BCL2: variants seen among roughly 807,000 people sequenced by gnomAD.
BCL2 encodes the protein BCL2 apoptosis regulator, also known as apoptosis regulator Bcl-2.
BCL2 carries 1 observed loss-of-function variant against 14.2 expected under a neutral mutation model. The observed-to-expected ratio is 0.07, with a 90% CI of 0.02 to 0.33. The LOEUF is 0.33. Among genes scored for constraint, BCL2 ranks in the 10% least tolerant of loss-of-function variants. The pLI, the probability that BCL2 is intolerant of heterozygous loss-of-function variation, is 0.99. For synonymous variants in BCL2, 151 were observed against 137.2 expected, an observed-to-expected ratio of 1.10 and a Z score of -0.70; for missense variants, 247 against 305.9, an observed-to-expected ratio of 0.81 and a Z score of 1.44.
intron 2 of BCL2, among the ~76,000 whole-genome samples, chr18:63,175,069 C>T (rs1239891648): frequency 3.9e-5 from 6 of 152,228 alleles, no homozygotes; most frequent in South Asian, 2.1e-4. Context: ...CAAATATTAT[C>T]GTCATTCGCA....
At chr18:63,143,581 C>T (rs750725812) in intron 2 of BCL2, among the ~76,000 whole-genome samples, 2 of 152,232 alleles carry the variant, frequency 1.3e-5, no homozygotes, top group African/African-American at 2.4e-5. Flanking sequence ...CTTGCAGCGG[C>T]GAGCCTGGGG....
chr18:63,319,923 G>T (rs1483534241), upstream of BCL2: 1 of 167,498 alleles, frequency 6.0e-6, no homozygotes, highest in East Asian at 1.1e-4. Context: ...CCTCCTCCTG[G>T]TCCTGCGCGG....
intron 2 of BCL2, among the ~76,000 whole-genome samples, chr18:63,191,103 T>C (rs140320738): frequency 0.011 from 1,701 of 152,346 alleles, 12 homozygotes; most frequent in South Asian, 0.018. Flanking sequence ...AGTCTATCAT[T>C]GAGGGGCATT....
At chr18:63,194,610 C>G (rs188672397) in intron 2 of BCL2, among the ~76,000 whole-genome samples, 2 of 152,132 alleles carry the variant, frequency 1.3e-5, no homozygotes, top group Non-Finnish European at 2.9e-5. Flanking sequence ...GAGGTTGGCA[C>G]ATCTCACATA....
chr18:63,271,509 G>C (rs1352144816), intron 2 of BCL2, among the ~76,000 whole-genome samples: 1 of 152,180 alleles, frequency 6.6e-6, no homozygotes, highest in Non-Finnish European at 1.5e-5. Context: ...ATATCTCAAT[G>C]AAAATAGCTC....
chr18:63,257,043 TTGTTTTTCA>T (rs747279180), intron 2 of BCL2, among the ~76,000 whole-genome samples: 5 of 152,248 alleles, frequency 3.3e-5, no homozygotes, highest in Admixed American at 6.5e-5. Flanking sequence ...CCTTACTATT[TTGTTTTTCA>T]TGTTAAATGT....
intron 2 of BCL2, among the ~76,000 whole-genome samples, chr18:63,238,886 T>C (rs889099517): frequency 6.6e-6 from 1 of 152,144 alleles, no homozygotes; most frequent in Admixed American, 6.5e-5. Context: ...CATCTGTCTA[T>C]TGTGAAAGGA....
chr18:63,277,063 T>C (rs1912174798), intron 2 of BCL2, among the ~76,000 whole-genome samples: 1 of 152,128 alleles, frequency 6.6e-6, no homozygotes, highest in Non-Finnish European at 1.5e-5. Context: ...GCAATACCTC[T>C]TTCTCCCCTG....
chr18:63,253,626 G>C (rs905702558), intron 2 of BCL2, among the ~76,000 whole-genome samples: 1 of 152,176 alleles, frequency 6.6e-6, no homozygotes, highest in Non-Finnish European at 1.5e-5. Context: ...ATGGCCGTTG[G>C]AGATTTCTAC....
At chr18:63,228,848 A>G (rs1364814138) in intron 2 of BCL2, among the ~76,000 whole-genome samples, 2 of 152,160 alleles carry the variant, frequency 1.3e-5, no homozygotes, top group African/African-American at 4.8e-5. Flanking sequence ...AGCTGGGACT[A>G]CAGGCATGTG....
At chr18:63,286,969 T>G (rs549450755) in intron 2 of BCL2, among the ~76,000 whole-genome samples, 1 of 152,206 alleles carries the variant, frequency 6.6e-6, no homozygotes, top group Non-Finnish European at 1.5e-5. Context: ...TATGGAAGGA[T>G]ACTGGCACTC....
intron 2 of BCL2, among the ~76,000 whole-genome samples, chr18:63,209,148 G>T (rs1372194866): frequency 6.6e-6 from 1 of 152,208 alleles, no homozygotes; most frequent in African/African-American, 2.4e-5. Flanking sequence ...TGACAGTGTG[G>T]TAGGGTCCTT....
At chr18:63,137,666 T>G (rs574352642) in intron 2 of BCL2, among the ~76,000 whole-genome samples, 7 of 152,254 alleles carry the variant, frequency 4.6e-5, no homozygotes, top group African/African-American at 7.2e-5. Context: ...CCTGCTATAT[T>G]GGTTAGTAAA....
At chr18:63,295,647 C>T (rs969519016) in intron 2 of BCL2, among the ~76,000 whole-genome samples, 1 of 152,238 alleles carries the variant, frequency 6.6e-6, no homozygotes, top group African/African-American at 2.4e-5. Context: ...ACCCAAGGCC[C>T]GTTGCCCTAA....
At chr18:63,157,010 T>C (rs762138965) in intron 2 of BCL2, among the ~76,000 whole-genome samples, 1 of 152,216 alleles carries the variant, frequency 6.6e-6, no homozygotes, top group African/African-American at 2.4e-5. Context: ...CCACCCTTTT[T>C]CAAATTTCAA....
chr18:63,179,647 A>G (rs1305940761), intron 2 of BCL2, among the ~76,000 whole-genome samples: 1 of 152,184 alleles, frequency 6.6e-6, no homozygotes, highest in Non-Finnish European at 1.5e-5. Flanking sequence ...GGGAGGGAGC[A>G]TATCTCAGCA....
At chr18:63,242,603 C>T (rs1030316130) in intron 2 of BCL2, among the ~76,000 whole-genome samples, 1 of 152,166 alleles carries the variant, frequency 6.6e-6, no homozygotes, top group African/African-American at 2.4e-5. Context: ...CCTGCCAGTT[C>T]ACCACAATCC....
chr18:63,202,417 A>G (rs1231058471), intron 2 of BCL2, among the ~76,000 whole-genome samples: 1 of 152,224 alleles, frequency 6.6e-6, no homozygotes, highest in Non-Finnish European at 1.5e-5. Context: ...CTGACTCAGA[A>G]CAACTGAGGC....
intron 2 of BCL2, among the ~76,000 whole-genome samples, chr18:63,198,295 GAC>G (rs1406330667): frequency 7.1e-5 from 9 of 126,326 alleles, no homozygotes; most frequent in Non-Finnish European, 8.4e-5. Context: ...TAGACACAGA[GAC>G]ACACACAGAC....
Sources: gnomAD v4.1 joint callset for allele counts (sites outside exome capture counted in the v4.1 genomes callset) on GRCh38, gnomAD v4.1.1 for gene constraint, MANE v1.5 for transcripts, NCBI Gene and HGNC (gene_info 2026-07-23, HGNC 2026-07-21) for gene names.